The following NUBPL variants were observed in gnomAD, a reference collection of about 807,000 sequenced individuals.
NUBPL encodes the protein NUBP iron-sulfur cluster assembly factor, mitochondrial, also known as iron-sulfur cluster transfer protein NUBPL.
In NUBPL, 31 loss-of-function variants were observed where a neutral mutation model predicts 45.7. That is an observed-to-expected ratio of 0.68 (90% CI 0.51 to 0.92). The LOEUF (loss-of-function observed/expected upper bound fraction) is 0.92. Among genes scored for constraint, NUBPL ranks in the 40% least tolerant of loss-of-function variants. The pLI is 0.00. For missense variants in NUBPL, 401 were observed against 398.7 expected (o/e 1.01, Z -0.05); for synonymous variants, 144 against 140.9 (o/e 1.02, Z -0.15).
intron 6 of NUBPL, among the ~76,000 whole-genome samples, chr14:31,748,597 A>C (rs2038452266): frequency 6.6e-6 from 1 of 150,518 alleles, no homozygotes; most frequent in Non-Finnish European, 1.5e-5. Flanking sequence ...ATATAAGTAT[A>C]GTTCTTCCTG....
At chr14:31,853,035 T>G (rs2040561970) in intron 10 of NUBPL, among the ~76,000 whole-genome samples, 1 of 152,196 alleles carries the variant, frequency 6.6e-6, no homozygotes, top group Non-Finnish European at 1.5e-5. Flanking sequence ...CCTATAATGT[T>G]ATTTGTTAAT....
At chr14:31,829,099 A>G (rs1037411871) in intron 8 of NUBPL, among the ~76,000 whole-genome samples, 12 of 152,168 alleles carry the variant, frequency 7.9e-5, no homozygotes, top group Non-Finnish European at 1.8e-4. Context: ...GCCAAGTTAG[A>G]GCAGTTCTGG....
At chr14:31,800,828 T>C (rs2039573128) in intron 7 of NUBPL, 1 of 152,200 alleles carries the variant, frequency 6.6e-6, no homozygotes, top group African/African-American at 2.4e-5. Flanking sequence ...GTTTTCTCTT[T>C]TTAAGGATTG....
At chr14:31,589,400 TA>T (rs2034083528) in intron 3 of NUBPL, among the ~76,000 whole-genome samples, 1 of 152,150 alleles carries the variant, frequency 6.6e-6, no homozygotes, top group African/African-American at 2.4e-5. Flanking sequence ...TTATAGAAAA[TA>T]TAAGCAATTA....
intron 4 of NUBPL, among the ~76,000 whole-genome samples, chr14:31,639,308 C>T (rs936007133): frequency 6.6e-6 from 1 of 152,184 alleles, no homozygotes; most frequent in South Asian, 2.1e-4. Flanking sequence ...ACAGACAGGA[C>T]CCTCAGCTGC....
intron 2 of NUBPL, among the ~76,000 whole-genome samples, chr14:31,563,429 A>G (rs2139440562): frequency 1.3e-5 from 2 of 152,352 alleles, no homozygotes; most frequent in South Asian, 4.1e-4. Context: ...AGTGTACAAC[A>G]TGTGACACGT....
intron 7 of NUBPL, among the ~76,000 whole-genome samples, chr14:31,800,117 G>T (rs969137177): frequency 2.6e-5 from 4 of 152,242 alleles, no homozygotes; most frequent in East Asian, 3.9e-4. Context: ...TTGATAATGA[G>T]ATTTCAGCAA....
intron 6 of NUBPL, among the ~76,000 whole-genome samples, chr14:31,736,083 CT>C (rs1175641094): frequency 6.6e-6 from 1 of 152,056 alleles, no homozygotes; most frequent in Non-Finnish European, 1.5e-5. Context: ...GTGGGGTTTT[CT>C]TTTTGGCCAT....
chr14:31,829,385 T>G (rs2040154581), intron 8 of NUBPL, among the ~76,000 whole-genome samples: 1 of 152,102 alleles, frequency 6.6e-6, no homozygotes, highest in Non-Finnish European at 1.5e-5. Flanking sequence ...TTCAGTAATG[T>G]TTGCAAGTGA....
At chr14:31,669,612 C>T (rs922861726) in intron 4 of NUBPL, among the ~76,000 whole-genome samples, 11 of 152,130 alleles carry the variant, frequency 7.2e-5, no homozygotes, top group South Asian at 2.1e-4. Flanking sequence ...TCTCTTCCTC[C>T]TCCGATTTTC....
intron 4 of NUBPL, among the ~76,000 whole-genome samples, chr14:31,607,482 C>T (rs958731809): frequency 2.0e-5 from 3 of 151,508 alleles, no homozygotes; most frequent in African/African-American, 7.3e-5. Context: ...CAAAGAAAGT[C>T]AAGATACTAC....
intron 6 of NUBPL, among the ~76,000 whole-genome samples, chr14:31,705,463 A>C (rs2037427980): frequency 6.6e-6 from 1 of 152,160 alleles, no homozygotes. Flanking sequence ...CATTTTATAG[A>C]GAGCTGATTG....
At chr14:31,705,230 C>T (rs909567986) in intron 6 of NUBPL, among the ~76,000 whole-genome samples, 1 of 152,252 alleles carries the variant, frequency 6.6e-6, no homozygotes, top group African/African-American at 2.4e-5. Flanking sequence ...AGGAGTGAAG[C>T]TGCAGACCTT....
In NUBPL at chr14:31,838,279, CAAAAAAA is replaced by C. The variant is rs748313330; in HGVS notation, c.694-8178_694-8172del. Among the ~76,000 whole-genome samples, 18 of 60,282 alleles carry C rather than the reference CAAAAAAA, an allele frequency of 3.0e-4. No individual in the cohort carries two copies. In the South Asian group the frequency reaches 0.011, roughly 36 times the overall value. 39.5% of individuals were successfully genotyped at this position (60,282 alleles called of 152,430 possible). A position where few individuals can be genotyped will look rare whatever the true frequency, so the allele number is the denominator to read the frequency against. The stretch of plus-strand genomic sequence containing the variant: ...TAAATACATATAACCTAATATCCAG[CAAAAAAA>C]AAAAAAAAAAAAAGAGAGAGACATG... On this transcript the variant is annotated intron_variant, in intron 8 of 10. Coordinates refer to ENST00000281081, the MANE Select transcript of NUBPL (RefSeq NM_025152.3).
intron 7 of NUBPL, among the ~76,000 whole-genome samples, chr14:31,805,485 A>G (rs1448431299): frequency 6.6e-6 from 1 of 152,184 alleles, no homozygotes. Flanking sequence ...TTGCACTACT[A>G]CTCACAATAG....
chr14:31,667,630 A>G (rs2036465759), intron 4 of NUBPL, among the ~76,000 whole-genome samples: 1 of 152,068 alleles, frequency 6.6e-6, no homozygotes, highest in African/African-American at 2.4e-5. Flanking sequence ...GAGAAGAGGC[A>G]TTCTGGTTTT....
rs1236634779 is a variant in NUBPL at position 31,562,184 on chromosome 14, A to G, written c.225A>G (p.Gly75=). ...GVKQVIVVAS[G]KGGVGKSTTA... ...AACAAGTTATAGTTGTGGCTTCTGG[A>G]AAGGGTGGAGTCGGAAAATCTACTA... Residue 75 remains glycine (G), a synonymous_variant, in exon 2 of 11, where the codon GGA becomes GGG. Coordinates refer to ENST00000281081, the MANE Select transcript of NUBPL (RefSeq NM_025152.3). The G allele has an allele frequency of 6.2e-7, 1 of 1,614,004 alleles. No individual in the cohort carries two copies. The highest frequency in any genetic ancestry group is 1.3e-5 in the African/African-American group (1 of 74,952).
chr14:31,812,725 C>A (rs1446102612), intron 7 of NUBPL, among the ~76,000 whole-genome samples: 1 of 152,172 alleles, frequency 6.6e-6, no homozygotes, highest in African/African-American at 2.4e-5. Context: ...GTGGATCACA[C>A]TGGGAGCTGC....
chr14:31,678,639 T>A (rs967631009), intron 6 of NUBPL, among the ~76,000 whole-genome samples: 5 of 152,234 alleles, frequency 3.3e-5, no homozygotes, highest in Admixed American at 6.5e-5. Flanking sequence ...CCTGTCCTAC[T>A]GTGGCTAAGC....
Sources: allele counts gnomAD v4.1 joint callset (sites outside exome capture counted in the v4.1 genomes callset), GRCh38; gene constraint gnomAD v4.1.1; transcripts MANE v1.5; gene names NCBI Gene and HGNC (gene_info 2026-07-23, HGNC 2026-07-21).